Variants in FBXO21 observed in about 807,000 individuals in gnomAD.
The protein encoded by FBXO21 is F-box protein 21, also known as F-box only protein 21.
FBXO21 carries 32 observed loss-of-function variants against 76.6 expected under a neutral mutation model. That is an observed-to-expected ratio of 0.42 (90% CI 0.32 to 0.56). FBXO21 has a LOEUF of 0.56. Among genes scored for constraint, FBXO21 ranks in the 20% least tolerant of loss-of-function variants. The probability of loss-of-function intolerance (pLI) is 0.16; values close to 1 mark genes in which losing one functional copy is unlikely to be tolerated. For synonymous variants in FBXO21, 328 were observed against 311.5 expected (o/e 1.05, Z -0.56); for missense variants, 586 against 797.3 (o/e 0.73, Z 3.19).
intron 1 of FBXO21, among the ~76,000 whole-genome samples, chr12:117,189,998 G>A (rs1956327999): frequency 6.6e-6 from 1 of 152,116 alleles, no homozygotes; most frequent in African/African-American, 2.4e-5. Context: ...GGACCCGGCT[G>A]CGAGGCGCTC....
intron 9 of FBXO21, among the ~76,000 whole-genome samples, chr12:117,162,269 GAGA>G (rs10532210): frequency 0.18 from 27,169 of 152,182 alleles, 3,110 homozygotes; most frequent in Admixed American, 0.34. Context: ...CAGCAGGAAG[GAGA>G]AGGTGCCTGT....
intron 11 of FBXO21, among the ~76,000 whole-genome samples, chr12:117,153,155 T>C (rs1235063041): frequency 6.6e-6 from 1 of 151,838 alleles, no homozygotes; most frequent in Non-Finnish European, 1.5e-5. Context: ...AAATGCCCGG[T>C]TGGGGACAGG....
chr12:117,170,547 G>A (rs1279113854), intron 7 of FBXO21, among the ~76,000 whole-genome samples: 1 of 152,164 alleles, frequency 6.6e-6, no homozygotes, highest in Admixed American at 6.5e-5. Context: ...GTGGCCAAAG[G>A]CAGAGAGAAG....
chr12:117,176,196 C>G (rs1255684735), intron 4 of FBXO21, among the ~76,000 whole-genome samples: 4 of 152,098 alleles, frequency 2.6e-5, no homozygotes, highest in African/African-American at 7.2e-5. Flanking sequence ...ACACAGGAAA[C>G]AGAAAAAATG....
Position 117,157,938 on chromosome 12 carries a change from C to T in FBXO21, c.1452G>A (p.Lys484=). Residue 484 remains lysine (K), a synonymous_variant, in exon 10 of 12, where the codon AAG becomes AAA. Transcript: ENST00000622495. ...RKKEEVGVEV[K]LRSDEKHRDV... ...CTCTGTGCTTCTCATCGGAGCGCAG[C>T]TTCACCTCTACGCCCACCTCCTCCT... The T allele has an allele frequency of 6.2e-7, 1 of 1,614,102 alleles. No individual in the cohort carries two copies. The highest frequency in any genetic ancestry group is 8.5e-7 in the Non-Finnish European group (1 of 1,179,984).
chr12:117,188,576 G>A (rs11068396), intron 2 of FBXO21, among the ~76,000 whole-genome samples: 1 of 146,074 alleles, frequency 6.8e-6, no homozygotes, highest in Non-Finnish European at 1.5e-5. Context: ...ACTTCCATGA[G>A]ACATTTTGAG....
rs1241340504 is a variant in FBXO21, at chr12:117,144,693, G to C, written c.*1394C>G. The C allele has an allele frequency of 1.3e-5, 2 of 152,218 alleles. No individual in the cohort carries two copies. Among genetic ancestry groups the C allele is most frequent in the Non-Finnish European group, 2.9e-5 (2 of 68,040 alleles). The allele number at this position is 152,218 out of a possible 1,614,324, so 9.4% of individuals were successfully genotyped here. ...AACTAGGTCCTAACTTCGGAAGTTA[G>C]CTTCTATCGATTAATGACAAGATTA... On this transcript the variant is annotated 3_prime_UTR_variant, in exon 12 of 12. Transcript: ENST00000622495.
At chr12:117,189,778 TC>T (rs1246658869) in intron 1 of FBXO21, among the ~76,000 whole-genome samples, 1 of 151,642 alleles carries the variant, frequency 6.6e-6, no homozygotes, top group East Asian at 1.9e-4. Context: ...GGGAAGTCGC[TC>T]CCCCCAAGGT....
At chr12:117,175,327 A>C (rs970545105) in intron 4 of FBXO21, among the ~76,000 whole-genome samples, 1 of 152,258 alleles carries the variant, frequency 6.6e-6, no homozygotes, top group African/African-American at 2.4e-5. Context: ...CCAATGAGAT[A>C]AACAGTTATG....
At position 117,170,133 on chromosome 12, in the gene FBXO21, C is replaced by T. The variant is rs1246346272; in HGVS notation, c.1013+2338G>A. Among the ~76,000 whole-genome samples the T allele has an allele frequency of 2.2e-5, 3 of 135,144 alleles. No individual in the cohort carries two copies. The South Asian group carries it at 7.6e-4, about 34-fold the overall frequency. The allele number at this position is 135,144 out of a possible 152,430, so 88.7% of individuals were successfully genotyped here. ...TAAAAAAATGTAATCTTAAAAATTA[C>T]CATTTACAACTGAAAAAAAAAAAAA... On this transcript the variant is annotated intron_variant, in intron 7 of 11. Transcript: ENST00000622495.
Position 117,174,305 on chromosome 12 carries a change from C to T in FBXO21, c.776G>A (p.Ser259Asn). 1 of 1,613,734 alleles carries T rather than the reference C, an allele frequency of 6.2e-7. No homozygotes were observed. Residue 259 changes from serine (S) to asparagine (N), a missense_variant, in exon 6 of 12, where the codon AGC becomes AAC. Physicochemically the swap from Ser to Asn is conservative, Grantham distance 46. Around this residue, in one of 6 missense-constraint regions of FBXO21, gnomAD observed 246 missense variants for 356.8 expected, o/e 0.69. Coordinates refer to ENST00000622495, the MANE Select transcript of FBXO21 (RefSeq NM_015002.3). ...ATAGTTCATGGCATCCAGCACCTGG[C>T]TCTGGAGTTCTATTTCCATTATCAT... is the stretch of plus-strand genomic sequence containing the variant. The part of the protein sequence containing the change: ...SSMIMEIELQ[S>N]QVLDAMNYVL...
At chr12:117,169,917 G>A (rs1256165406) in intron 7 of FBXO21, among the ~76,000 whole-genome samples, 1 of 152,014 alleles carries the variant, frequency 6.6e-6, no homozygotes, top group Non-Finnish European at 1.5e-5. Context: ...AGTAATGCAA[G>A]AGAAAGAAAC....
At position 117,174,307 on chromosome 12, in the gene FBXO21, C is replaced by T. The variant is rs371294262; in HGVS notation, c.774G>A (p.Gln258=). The T allele has an allele frequency of 2.4e-5, 39 of 1,613,926 alleles. No individual in the cohort carries two copies. In the East Asian group the frequency reaches 8.7e-4, roughly 36 times the overall value. The part of the protein sequence containing the change: ...ESSMIMEIEL[Q]SQVLDAMNYV... ...AGTTCATGGCATCCAGCACCTGGCT[C>T]TGGAGTTCTATTTCCATTATCATGG... The change falls in exon 6 of 12, where the codon CAG becomes CAA. Residue 258 remains glutamine (Q), a synonymous_variant. Coordinates refer to ENST00000622495, the MANE Select transcript of FBXO21 (RefSeq NM_015002.3).
intron 4 of FBXO21, among the ~76,000 whole-genome samples, 175 bp downstream of exon 4, chr12:117,177,345 T>C (rs565847979): frequency 1.3e-5 from 2 of 152,356 alleles, no homozygotes; most frequent in Admixed American, 6.5e-5. Context: ...CTAAATTTAA[T>C]AGTTTGAACT....
At chr12:117,178,122 C>T (rs1956192430) in intron 3 of FBXO21, among the ~76,000 whole-genome samples, 1 of 152,188 alleles carries the variant, frequency 6.6e-6, no homozygotes, top group Non-Finnish European at 1.5e-5. Flanking sequence ...ACATCCCACT[C>T]AGATAGCTGA....
chr12:117,150,554 C>T (rs113517435), intron 11 of FBXO21, among the ~76,000 whole-genome samples: 48 of 152,294 alleles, frequency 3.2e-4, no homozygotes, highest in African/African-American at 1.0e-3. Context: ...ACCACTCACC[C>T]GCAACTGGCT....
intron 11 of FBXO21, among the ~76,000 whole-genome samples, chr12:117,154,072 G>T (rs11068374): frequency 0.17 from 26,065 of 152,172 alleles, 2,726 homozygotes; most frequent in Middle Eastern, 0.33. Flanking sequence ...ATTTATTCTT[G>T]TGAACGCCAT....
chr12:117,166,704 T>A (rs985911179), intron 8 of FBXO21, among the ~76,000 whole-genome samples, 194 bp downstream of exon 8: 1 of 152,246 alleles, frequency 6.6e-6, no homozygotes, highest in Non-Finnish European at 1.5e-5. Context: ...TGAGAAGATC[T>A]TGCCCTTGAA....
chr12:117,149,364 C>T (rs1211440460), intron 11 of FBXO21, among the ~76,000 whole-genome samples: 7 of 152,128 alleles, frequency 4.6e-5, no homozygotes, highest in African/African-American at 2.4e-5. Context: ...GGAATACCAT[C>T]GAGACAAAAA....
Sources: gnomAD v4.1 joint callset for allele counts (sites outside exome capture counted in the v4.1 genomes callset) on GRCh38, gnomAD v4.1.1 for gene constraint, gnomAD v4.1.1 regional missense constraint, MANE v1.5 for transcripts, NCBI Gene and HGNC (gene_info 2026-07-23, HGNC 2026-07-21) for gene names.